The following LPIN2 variants were observed in gnomAD, a reference collection of about 807,000 sequenced individuals.
LPIN2 encodes phosphatidate phosphatase LPIN2.
In LPIN2, 55 loss-of-function variants were observed where a neutral mutation model predicts 111.4. The ratio of observed to expected loss-of-function variants is 0.49; its 90% CI spans 0.40 to 0.62. LPIN2 has a LOEUF of 0.62. Ranked by LOEUF, LPIN2 falls within the 20% of genes least tolerant of loss-of-function variation. The pLI, the probability that LPIN2 is intolerant of heterozygous loss-of-function variation, is 0.00. For synonymous variants in LPIN2, 425 were observed against 414.0 expected, an observed-to-expected ratio of 1.03 and a Z score of -0.32; for missense variants, 992 against 1,112.1, an observed-to-expected ratio of 0.89 and a Z score of 1.54.
At chr18:2,985,796 A>G (rs372088294) in intron 1 of LPIN2, among the ~76,000 whole-genome samples, 12 of 152,364 alleles carry the variant, frequency 7.9e-5, no homozygotes, top group Middle Eastern at 6.8e-3. Context: ...ACCATAAAAC[A>G]TGAAAATAAT....
At chr18:2,940,844 A>G (rs774058418) in intron 4 of LPIN2, 132 bp from the exon 5 acceptor site, 95 of 681,712 alleles carry the variant, frequency 1.4e-4, no homozygotes, top group Non-Finnish European at 2.3e-4. Context: ...TCTCTAAAAT[A>G]TATGAAGGAG....
chr18:3,001,552 A>T (rs2078435575), intron 1 of LPIN2, among the ~76,000 whole-genome samples: 1 of 152,102 alleles, frequency 6.6e-6, no homozygotes, highest in South Asian at 2.1e-4. Context: ...GTGTGAGAGG[A>T]GGGTTATATA....
Position 2,923,772 on chromosome 18 carries a change from T to TA in LPIN2, c.2174+2dup. 6.2e-7 allele frequency: 1 copy of TA among 1,613,286 alleles called. No individual in the cohort carries two copies. Among genetic ancestry groups the TA allele is most frequent in the South Asian group, 1.1e-5 (1 of 91,054 alleles). On this transcript the variant is annotated splice_region_variant and intron_variant, in intron 16 of 19. Coordinates refer to ENST00000677752, the MANE Select transcript of LPIN2 (RefSeq NM_001375808.2). ...AGCGAGTTAACGTGGGGAGGGTACC[T>TA]ACTCATTGATGGAATGGTAGAGCTT...
At chr18:2,956,320 G>A (rs1442928935) in intron 2 of LPIN2, among the ~76,000 whole-genome samples, 4 of 43,730 alleles carry the variant, frequency 9.1e-5, no homozygotes, top group African/African-American at 1.9e-4. Flanking sequence ...GGGTGTGTGT[G>A]TGTGTGTGTG....
chr18:2,973,576 T>C (rs2077958451), intron 1 of LPIN2, among the ~76,000 whole-genome samples: 1 of 152,268 alleles, frequency 6.6e-6, no homozygotes, highest in South Asian at 2.1e-4. Context: ...GTTTATCCAT[T>C]CACTAGCTAG....
intron 2 of LPIN2, among the ~76,000 whole-genome samples, chr18:2,959,005 A>G: frequency 6.6e-6 from 1 of 152,208 alleles, no homozygotes; most frequent in Admixed American, 6.5e-5. Context: ...GGGAAATTTC[A>G]GTTTGTTGCC....
At chr18:3,012,800 GCCCCGACGC>G (rs1031011214) in intron 1 of LPIN2, among the ~76,000 whole-genome samples, 1 of 151,788 alleles carries the variant, frequency 6.6e-6, no homozygotes, top group Non-Finnish European at 1.5e-5. Context: ...CACCACTGAC[GCCCCGACGC>G]CCCCGGCTCC....
At chr18:2,949,318 C>T (rs1454844285) in intron 4 of LPIN2, among the ~76,000 whole-genome samples, 1 of 152,110 alleles carries the variant, frequency 6.6e-6, no homozygotes, top group African/African-American at 2.4e-5. Context: ...GAGTTCAGAA[C>T]ATTTATGATG....
At chr18:2,948,513 C>T (rs2077488773) in intron 4 of LPIN2, 1 of 152,178 alleles carries the variant, frequency 6.6e-6, no homozygotes, top group Admixed American at 6.5e-5. Context: ...GTTTTAATTT[C>T]CCAAGCTGTA....
intron 1 of LPIN2, among the ~76,000 whole-genome samples, chr18:2,991,723 A>G (rs994104017): frequency 1.3e-5 from 2 of 152,076 alleles, no homozygotes; most frequent in Non-Finnish European, 2.9e-5. Context: ...AAAAATAATA[A>G]TAATAAGGCC....
intron 19 of LPIN2, 128 bp from the exon 20 acceptor site, chr18:2,920,565 C>T (rs1326889381): frequency 1.0e-6 from 1 of 999,938 alleles, no homozygotes; most frequent in Admixed American, 1.9e-5. Context: ...GCCTCAGTCC[C>T]ATCACAGGGC....
chr18:2,920,863 G>T lies in LPIN2; in HGVS notation c.2461C>A (p.Gln821Lys), dbSNP rs777018648. The change falls in exon 19 of 20, where the codon CAA (glutamine) becomes AAA (lysine). Residue 821 changes from glutamine (Q) to lysine (K), a missense_variant. Coordinates refer to ENST00000677752, the MANE Select transcript of LPIN2 (RefSeq NM_001375808.2). ...NRPNDVYAYT[Q>K]VGVPDCRIFT... ...ATTCTACAGTCTGGAACTCCAACTT[G>T]TGTGTAGGCATAGACATCCTGCAGA... The T allele has an allele frequency of 6.2e-7, 1 of 1,613,312 alleles. No homozygotes were observed. Among genetic ancestry groups the T allele is most frequent in the East Asian group, 2.2e-5 (1 of 44,880 alleles).
At chr18:2,928,493 G>C in intron 11 of LPIN2, 98 bp downstream of exon 11, 2 of 1,177,088 alleles carry the variant, frequency 1.7e-6, no homozygotes, top group South Asian at 1.2e-5. Context: ...GTAAAACTTT[G>C]AATAGTACCC....
At chr18:2,929,843 G>A (rs771158402) in intron 9 of LPIN2, among the ~76,000 whole-genome samples, 25 of 152,202 alleles carry the variant, frequency 1.6e-4, no homozygotes, top group Admixed American at 1.5e-3. Flanking sequence ...CCAGGAGATG[G>A]AGGTTGCAGT....
chr18:3,002,572 A>T (rs1461056567), intron 1 of LPIN2, among the ~76,000 whole-genome samples: 1 of 152,232 alleles, frequency 6.6e-6, no homozygotes, highest in Non-Finnish European at 1.5e-5. Flanking sequence ...AAATGATGGA[A>T]AAATCTTAAG....
Position 2,920,221 on chromosome 18 carries a change from G to A in LPIN2, c.*72C>T. 1.9e-6 allele frequency: 3 copies of A among 1,596,212 alleles called. No homozygotes were observed. Among genetic ancestry groups the A allele is most frequent in the Non-Finnish European group, 2.6e-6 (3 of 1,165,530 alleles). On this transcript the variant is annotated 3_prime_UTR_variant, in exon 20 of 20. Transcript: ENST00000677752. ...TGGGGAAGGCTGGTATCTGAGGTCA[G>A]CAGAAGAGCCAGCTGCCTTCCCTTG... is the stretch of plus-strand genomic sequence containing the variant.
At chr18:3,003,818 T>C (rs2078469843) in intron 1 of LPIN2, among the ~76,000 whole-genome samples, 1 of 152,166 alleles carries the variant, frequency 6.6e-6, no homozygotes. Flanking sequence ...AAGATAACCA[T>C]AAGGTCTGAC....
At chr18:2,946,451 C>T in intron 4 of LPIN2, 4 of 1,441,610 alleles carry the variant, frequency 2.8e-6, no homozygotes, top group Non-Finnish European at 3.9e-6. Context: ...GACTGGAACG[C>T]CTGGGTGATA....
At chr18:2,965,455 G>A (rs1279276779) in intron 1 of LPIN2, among the ~76,000 whole-genome samples, 12 of 152,220 alleles carry the variant, frequency 7.9e-5, no homozygotes, top group African/African-American at 2.2e-4. Context: ...TGGGCCAGGC[G>A]CGGTGGCTCA....
Sources: allele counts gnomAD v4.1 joint callset (sites outside exome capture counted in the v4.1 genomes callset), GRCh38; gene constraint gnomAD v4.1.1; transcripts MANE v1.5; gene names NCBI Gene and HGNC (gene_info 2026-07-23, HGNC 2026-07-21).